The following TRIM4 variants were observed in gnomAD, a reference collection of about 807,000 sequenced individuals.
The protein encoded by TRIM4 is tripartite motif containing 4.
Under a neutral mutation model 33.7 loss-of-function variants are expected in TRIM4, and 29 were observed. The observed-to-expected ratio is 0.86, with a 90% CI of 0.64 to 1.17. TRIM4 has a LOEUF of 1.17. Ranked by LOEUF, TRIM4 falls within the 50% of genes most tolerant of loss-of-function variation. TRIM4 has a pLI of 0.00. For synonymous variants in TRIM4, 224 were observed against 233.0 expected (o/e 0.96, Z 0.35); for missense variants, 554 against 593.7 (o/e 0.93, Z 0.69).
chr7:99,917,824 G>C (rs1159513544), intron 1 of TRIM4: 3 of 985,218 alleles, frequency 3.0e-6, no homozygotes, highest in East Asian at 1.1e-4. Context: ...GTAATGGGAG[G>C]GGGTGGGGCT....
chr7:99,908,877 C>T, intron 2 of TRIM4, 65 bp from the exon 3 acceptor site: 2 of 1,453,324 alleles, frequency 1.4e-6, no homozygotes, highest in Non-Finnish European at 9.4e-7. Flanking sequence ...ATTCCTTACA[C>T]AATTCCCCAG....
rs371305209 is a variant in TRIM4 at position 99,908,801 on chromosome 7, C to T, written c.501G>A (p.Lys167=). ...CCGTGCTGATTCTCATTCGCTGACTCTTTATCTTATCCTAAGGCCACATGA... is the reference window on the plus strand; with the variant it reads ...CCGTGCTGATTCTCATTCGCTGACTTTTTATCTTATCCTAAGGCCACATGA... ...KNATQWKDKI[K]SQRMRISTEF... The change falls in exon 3 of 6, where the codon AAG becomes AAA. Residue 167 remains lysine (K), a synonymous_variant. Transcript: ENST00000349062. The T allele has an allele frequency of 4.5e-5, 73 of 1,613,740 alleles. No homozygotes were observed. Among genetic ancestry groups the T allele is most frequent in the Non-Finnish European group, 6.1e-5 (72 of 1,179,998 alleles).
chr7:99,892,635 G>C lies in TRIM4; in HGVS notation c.953C>G (p.Ala318Gly). 1 of 1,614,144 alleles carries C rather than the reference G, an allele frequency of 6.2e-7. No homozygotes were observed. The highest frequency in any genetic ancestry group is 2.2e-5 in the East Asian group (1 of 44,880). ...SASSWPVFSS[A>G]WNYFAGWRNP... Reference sequence around the variant, plus strand: ...CCTCCATCCAGCAAAGTAGTTCCATGCTGAAGAAAACACTGGCCAAGAACT... The same window carrying C: ...CCTCCATCCAGCAAAGTAGTTCCATCCTGAAGAAAACACTGGCCAAGAACT... The change falls in exon 6 of 6, where the codon GCA becomes GGA. Residue 318 changes from alanine to glycine, a missense_variant. This residue lies in a region of TRIM4 where 290 missense variants were observed against 335.8 expected (regional missense o/e 0.86). Transcript: ENST00000349062.
At chr7:99,899,355 AAT>A (rs1268508490) in intron 5 of TRIM4, among the ~76,000 whole-genome samples, 1 of 152,184 alleles carries the variant, frequency 6.6e-6, no homozygotes, top group East Asian at 1.9e-4. Flanking sequence ...GCTTTTTACA[AAT>A]AGCAGTGGTT....
chr7:99,918,343 G>T (rs1420577509), intron 1 of TRIM4, among the ~76,000 whole-genome samples: 1 of 152,220 alleles, frequency 6.6e-6, no homozygotes, highest in Non-Finnish European at 1.5e-5. Flanking sequence ...AAGCGGGGCA[G>T]ATCACTTGAG....
intron 1 of TRIM4, among the ~76,000 whole-genome samples, chr7:99,916,996 T>G (rs1819569342): frequency 6.6e-6 from 1 of 152,206 alleles, no homozygotes; most frequent in Non-Finnish European, 1.5e-5. Flanking sequence ...ACACACCACA[T>G]GCTATCCCAC....
intron 5 of TRIM4, chr7:99,901,965 C>T (rs1304995115): frequency 3.2e-6 from 2 of 618,144 alleles, no homozygotes; most frequent in African/African-American, 3.7e-5. Flanking sequence ...TATTCCTCAA[C>T]TCAGCAAGTC....
intron 5 of TRIM4, among the ~76,000 whole-genome samples, chr7:99,895,864 A>G (rs992493461): frequency 1.3e-5 from 2 of 152,030 alleles, no homozygotes; most frequent in Non-Finnish European, 2.9e-5. Context: ...ATCTATTAAC[A>G]TATCTTTTTC....
intron 1 of TRIM4, among the ~76,000 whole-genome samples, chr7:99,915,765 G>C (rs901888904): frequency 1.1e-4 from 17 of 152,180 alleles, no homozygotes; most frequent in Admixed American, 1.1e-3. Context: ...AGTCAACCTT[G>C]TGACATTCAG....
intron 1 of TRIM4, among the ~76,000 whole-genome samples, chr7:99,917,246 T>A: frequency 6.6e-6 from 1 of 152,254 alleles, no homozygotes; most frequent in East Asian, 1.9e-4. Flanking sequence ...GTCTTTCTCA[T>A]CCACTTATGT....
At chr7:99,914,102 C>G (rs139777850) in intron 1 of TRIM4, among the ~76,000 whole-genome samples, 37 of 152,156 alleles carry the variant, frequency 2.4e-4, no homozygotes, top group Admixed American at 2.4e-3. Context: ...CCACTGCCAC[C>G]GCTAGTTGAA....
intron 5 of TRIM4, among the ~76,000 whole-genome samples, chr7:99,896,628 CACA>C (rs780878344): frequency 1.3e-4 from 20 of 152,176 alleles, no homozygotes; most frequent in Non-Finnish European, 2.2e-4. Flanking sequence ...AGGGGTCTAG[CACA>C]ACAATTAGCC....
At position 99,903,429 on chromosome 7, in the gene TRIM4, C is replaced by T. The variant is rs1584266013; in HGVS notation, c.744-114G>A. On this transcript the variant is annotated intron_variant, in intron 4 of 5. Transcript: ENST00000349062. Reference sequence around the variant, plus strand: ...GATGGCTTCTGTTCCCATTCCTCCTCCCAGAAACAATCAGGAGAATTTTTC... The same window carrying T: ...GATGGCTTCTGTTCCCATTCCTCCTTCCAGAAACAATCAGGAGAATTTTTC... 1.6e-5 allele frequency: 21 copies of T among 1,354,094 alleles called. No homozygotes were observed. In the East Asian group the frequency reaches 4.8e-4, roughly 31 times the overall value. 83.9% of individuals were successfully genotyped at this position (1,354,094 alleles called of 1,614,324 possible). A position where few individuals can be genotyped will look rare whatever the true frequency, so the allele number is the denominator to read the frequency against.
rs766737818 is a variant in TRIM4 at position 99,892,295 on chromosome 7, G to A, written c.1293C>T (p.Val431=). The A allele has an allele frequency of 3.2e-5, 51 of 1,614,126 alleles. No homozygotes were observed. The highest frequency in any genetic ancestry group is 4.1e-5 in the Non-Finnish European group (48 of 1,180,058). ...GVYLDRGTGN[V]SFYSAVDGVH... is the part of the protein sequence containing the mutation. ...CTCCGTCCACAGCGCTGTAGAAGGA[G>A]ACATTCCCAGTCCCACGATCCAGGT... The change falls in exon 6 of 6, where the codon GTC becomes GTT. Residue 431 remains valine (V), a synonymous_variant. Transcript: ENST00000349062.
intron 3 of TRIM4, among the ~76,000 whole-genome samples, chr7:99,907,186 C>T (rs577759174): frequency 3.9e-5 from 6 of 152,244 alleles, no homozygotes; most frequent in African/African-American, 1.2e-4. Context: ...GGCACAATCT[C>T]GGCTCACTGC....
intron 5 of TRIM4, among the ~76,000 whole-genome samples, chr7:99,899,464 C>G (rs1184848470): frequency 6.6e-6 from 1 of 152,176 alleles, no homozygotes; most frequent in East Asian, 1.9e-4. Flanking sequence ...CCTCTTCGGC[C>G]TTTCAGACAC....
At chr7:99,903,425 T>C (rs1270881446) in intron 4 of TRIM4, 110 bp from the exon 5 acceptor site, 4 of 1,347,698 alleles carry the variant, frequency 3.0e-6, no homozygotes, top group Non-Finnish European at 4.2e-6. Context: ...TTCCCATTCC[T>C]CCTCCCAGAA....
intron 5 of TRIM4, among the ~76,000 whole-genome samples, chr7:99,899,638 TTAAATA>T (rs1215750221): frequency 2.0e-5 from 3 of 152,224 alleles, no homozygotes; most frequent in African/African-American, 7.2e-5. Flanking sequence ...GATTTTACTT[TTAAATA>T]TAAGTTCCAA....
rs200547987 is a variant in TRIM4 at position 99,907,198 on chromosome 7, ATC to A, written c.720+1382_720+1383del. Among the ~76,000 whole-genome samples, 18 of 152,236 alleles carry A rather than the reference ATC, an allele frequency of 1.2e-4. No homozygotes were observed. In the East Asian group the frequency reaches 3.5e-3, roughly 29 times the overall value. On this transcript the variant is annotated intron_variant, in intron 3 of 5. Coordinates refer to ENST00000349062, the MANE Select transcript of TRIM4 (RefSeq NM_033091.3). ...AGTGGCACAATCTCGGCTCACTGCAATCTCTGTCTCCCGGGTTCAAGTGATTC... is the reference window on the plus strand; with the variant it reads ...AGTGGCACAATCTCGGCTCACTGCAATCTGTCTCCCGGGTTCAAGTGATTC...
Sources: gnomAD v4.1 joint callset for allele counts (sites outside exome capture counted in the v4.1 genomes callset) on GRCh38, gnomAD v4.1.1 for gene constraint, gnomAD v4.1.1 regional missense constraint, MANE v1.5 for transcripts, NCBI Gene and HGNC (gene_info 2026-07-23, HGNC 2026-07-21) for gene names.